The following RBM26 variants were observed in gnomAD, a reference collection of about 807,000 sequenced individuals.
RBM26 encodes RNA binding motif protein 26.
RBM26 carries 30 observed loss-of-function variants against 123.6 expected under a neutral mutation model. The ratio of observed to expected loss-of-function variants is 0.24; its 90% CI spans 0.18 to 0.33. The LOEUF is 0.33. Ranked by LOEUF, RBM26 falls within the 10% of genes least tolerant of loss-of-function variation. RBM26 has a pLI of 1.00. For missense variants in RBM26, 947 were observed against 1,203.6 expected (o/e 0.79, Z 3.15); for synonymous variants, 400 against 404.4 (o/e 0.99, Z 0.13).
At chr13:79,329,101 T>C (rs1224966358) in intron 20 of RBM26, among the ~76,000 whole-genome samples, 1 of 152,038 alleles carries the variant, frequency 6.6e-6, no homozygotes, top group Non-Finnish European at 1.5e-5. Flanking sequence ...ACCCACATGT[T>C]GGTGTCAGTG....
intron 11 of RBM26, 63 bp downstream of exon 11, chr13:79,358,211 T>C (rs1305048880): frequency 1.5e-6 from 2 of 1,337,548 alleles, no homozygotes; most frequent in Non-Finnish European, 2.0e-6. Context: ...AAGGTAGTTT[T>C]CTTATTACAT....
At chr13:79,345,555 G>C (rs2072185418) in intron 14 of RBM26, among the ~76,000 whole-genome samples, 1 of 151,976 alleles carries the variant, frequency 6.6e-6, no homozygotes, top group Non-Finnish European at 1.5e-5. Context: ...GCATCTTCCA[G>C]TACCTAAGTC....
At chr13:79,331,250 C>G (rs1174456233) in intron 20 of RBM26, among the ~76,000 whole-genome samples, 3 of 152,040 alleles carry the variant, frequency 2.0e-5, no homozygotes, top group Non-Finnish European at 4.4e-5. Context: ...GAGATCCACC[C>G]CACTTGGCCT....
At chr13:79,358,103 G>A (rs941418890) in intron 11 of RBM26, among the ~76,000 whole-genome samples, 171 bp downstream of exon 11, 1 of 152,044 alleles carries the variant, frequency 6.6e-6, no homozygotes, top group Non-Finnish European at 1.5e-5. Flanking sequence ...GGCTAGTCTC[G>A]AATTCCTCAC....
intron 19 of RBM26, among the ~76,000 whole-genome samples, chr13:79,335,153 A>T (rs898353810): frequency 2.6e-5 from 4 of 151,984 alleles, no homozygotes; most frequent in Non-Finnish European, 5.9e-5. Flanking sequence ...CCCCCCCAAA[A>T]ATTATAACTG....
intron 20 of RBM26, among the ~76,000 whole-genome samples, chr13:79,325,210 A>C (rs913473562): frequency 2.0e-5 from 3 of 152,110 alleles, no homozygotes; most frequent in African/African-American, 7.2e-5. Context: ...CATATTTACT[A>C]TACTATACTC....
chr13:79,346,070 T>A (rs557540671), intron 14 of RBM26, among the ~76,000 whole-genome samples: 2 of 152,194 alleles, frequency 1.3e-5, no homozygotes, highest in African/African-American at 4.8e-5. Context: ...AAGGAGTTCA[T>A]GACCTAAATA....
intron 7 of RBM26, 148 bp downstream of exon 7, chr13:79,366,485 T>A: frequency 1.2e-6 from 1 of 813,818 alleles, no homozygotes; most frequent in Non-Finnish European, 1.9e-6. Flanking sequence ...AAAGTGGAGG[T>A]GTATTCCAAA....
intron 18 of RBM26, among the ~76,000 whole-genome samples, chr13:79,340,088 CA>C (rs775586167): frequency 1.3e-5 from 2 of 151,864 alleles, no homozygotes; most frequent in Non-Finnish European, 2.9e-5. Flanking sequence ...AAGATTCCAC[CA>C]ACACTGGCAT....
intron 20 of RBM26, among the ~76,000 whole-genome samples, chr13:79,331,135 C>A (rs983191255): frequency 6.6e-6 from 1 of 152,070 alleles, no homozygotes; most frequent in Admixed American, 6.5e-5. Context: ...CTTAGCCTCG[C>A]AAACAGCTGG....
chr13:79,349,986 C>T (rs1014381653), intron 14 of RBM26, among the ~76,000 whole-genome samples: 8 of 152,076 alleles, frequency 5.3e-5, no homozygotes, highest in African/African-American at 1.9e-4. Flanking sequence ...GTGAGCCATG[C>T]GCCCAGCCAA....
intron 3 of RBM26, among the ~76,000 whole-genome samples, chr13:79,372,964 A>C (rs188780357): frequency 9.5e-5 from 1 of 10,496 alleles, no homozygotes; most frequent in Non-Finnish European, 1.5e-4. Context: ...ATTTTATATA[A>C]TATATAAGAT....
chr13:79,367,351 G>C (rs553396677), intron 6 of RBM26, among the ~76,000 whole-genome samples: 46 of 145,038 alleles, frequency 3.2e-4, no homozygotes, highest in African/African-American at 1.2e-3. Context: ...TGGTTGCACT[G>C]AGCAGAGACT....
At chr13:79,313,741 T>C (rs1025705207) in exon 5 of RBM26, 1 of 151,778 alleles carries the variant, frequency 6.6e-6, no homozygotes, top group Non-Finnish European at 1.5e-5. Context: ...CCATGCTGTA[T>C]CCAACCAATG....
At chr13:79,372,842 T>TGA (rs1566502096) in intron 3 of RBM26, among the ~76,000 whole-genome samples, 1,464 of 110,894 alleles carry the variant, frequency 0.013, 392 homozygotes, top group African/African-American at 0.05. Context: ...TATAAATATA[T>TGA]TATATATTAT....
At position 79,353,134 on chromosome 13, in the gene RBM26, A is replaced by T. The variant is rs1227649835; in HGVS notation, c.2058+19T>A. On this transcript the variant is annotated intron_variant, in intron 14 of 21. Transcript: ENST00000438737. ...ACATTTATGAAGCCAAGACAAACACATCATGCTATTCTTCTTACCTTTTCA... is the reference window on the plus strand; with the variant it reads ...ACATTTATGAAGCCAAGACAAACACTTCATGCTATTCTTCTTACCTTTTCA... 3.3e-6 allele frequency: 5 copies of T among 1,517,012 alleles called. No individual in the cohort carries two copies. The highest frequency in any genetic ancestry group is 4.5e-6 in the Non-Finnish European group (5 of 1,111,456). 94.0% of individuals were successfully genotyped at this position (1,517,012 alleles called of 1,614,324 possible).
intron 14 of RBM26, among the ~76,000 whole-genome samples, chr13:79,348,498 A>G (rs879282534): frequency 1.3e-5 from 2 of 152,160 alleles, no homozygotes; most frequent in East Asian, 3.8e-4. Context: ...TTATCCGAGT[A>G]TGATTTTTCA....
intron 3 of RBM26, among the ~76,000 whole-genome samples, chr13:79,375,369 C>T (rs1381175910): frequency 6.6e-6 from 1 of 151,546 alleles, no homozygotes; most frequent in Non-Finnish European, 1.5e-5. Context: ...CAGGGTTTCA[C>T]CATATTGGCC....
intron 1 of RBM26, among the ~76,000 whole-genome samples, chr13:79,400,934 A>T (rs1275221030): frequency 6.6e-6 from 1 of 152,236 alleles, no homozygotes; most frequent in South Asian, 2.1e-4. Context: ...TACTACTTCA[A>T]GATTTACCAG....
Sources: allele counts gnomAD v4.1 joint callset (sites outside exome capture counted in the v4.1 genomes callset), GRCh38; gene constraint gnomAD v4.1.1; transcripts MANE v1.5; gene names NCBI Gene and HGNC (gene_info 2026-07-23, HGNC 2026-07-21).